MICU2: variants seen among roughly 807,000 people sequenced by gnomAD.
The protein encoded by MICU2 is calcium uptake protein 2, mitochondrial.
Under a neutral mutation model 60.4 loss-of-function variants are expected in MICU2, and 64 were observed. That is an observed-to-expected ratio of 1.06 (90% CI 0.87 to 1.31). MICU2 has a LOEUF of 1.31. Among genes scored for constraint, MICU2 ranks in the 50% most tolerant of loss-of-function variants. The probability of loss-of-function intolerance (pLI) is 0.00; values close to 1 mark genes in which losing one functional copy is unlikely to be tolerated. For missense variants in MICU2, 569 were observed against 531.0 expected (o/e 1.07, Z -0.70); for synonymous variants, 201 against 175.0 (o/e 1.15, Z -1.17).
chr13:21,601,714 G>C lies in MICU2; in HGVS notation c.210+2225C>G, dbSNP rs941223697. Among the ~76,000 whole-genome samples, 6 of 152,286 alleles carry C rather than the reference G, an allele frequency of 3.9e-5. No homozygotes were observed. The South Asian group carries it at 1.2e-3, about 32-fold the overall frequency. On this transcript the variant is annotated intron_variant, in intron 1 of 11. Transcript: ENST00000382374. ...GGCGGGTGAGCGGTATTTAAGTCTT[G>C]TTCTAGGGATAGTGAGTGAATCACT...
chr13:21,536,986 CTA>C (rs1309907778), intron 4 of MICU2, among the ~76,000 whole-genome samples: 1 of 152,222 alleles, frequency 6.6e-6, no homozygotes, highest in African/African-American at 2.4e-5. Context: ...GACACCTACT[CTA>C]TGACCATGGT....
intron 2 of MICU2, among the ~76,000 whole-genome samples, chr13:21,542,444 G>T (rs751124982): frequency 6.6e-6 from 1 of 151,966 alleles, no homozygotes; most frequent in Non-Finnish European, 1.5e-5. Flanking sequence ...TGTAGGGTAG[G>T]GGGACACTCC....
chr13:21,538,024 T>C (rs565280819), intron 4 of MICU2, among the ~76,000 whole-genome samples: 6 of 152,146 alleles, frequency 3.9e-5, no homozygotes, highest in Admixed American at 3.9e-4. Flanking sequence ...CACCTCTCCT[T>C]CTCATCAACA....
intron 4 of MICU2, among the ~76,000 whole-genome samples, chr13:21,523,097 C>T (rs1694932834): frequency 6.6e-6 from 1 of 152,138 alleles, no homozygotes; most frequent in Non-Finnish European, 1.5e-5. Context: ...GCTGGAACAT[C>T]TTATCTTCTA....
chr13:21,500,918 G>A (rs531048256), intron 9 of MICU2, among the ~76,000 whole-genome samples: 15 of 151,960 alleles, frequency 9.9e-5, no homozygotes, highest in Admixed American at 7.2e-4. Context: ...TGCTTAGAAA[G>A]GTATATAACC....
chr13:21,599,178 T>C (rs1207006828), intron 1 of MICU2, among the ~76,000 whole-genome samples: 1 of 152,214 alleles, frequency 6.6e-6, no homozygotes, highest in Admixed American at 6.5e-5. Context: ...GCCAAAAAGG[T>C]TGGGGACCAC....
intron 9 of MICU2, among the ~76,000 whole-genome samples, chr13:21,501,531 G>A (rs141406296): frequency 6.6e-6 from 1 of 152,322 alleles, no homozygotes; most frequent in African/African-American, 2.4e-5. Flanking sequence ...CAAAGTGCCA[G>A]GATTACAGGC....
At chr13:21,521,397 T>C (rs1369117833) in intron 5 of MICU2, 70 bp from the exon 6 acceptor site, 1 of 1,261,944 alleles carries the variant, frequency 7.9e-7, no homozygotes, top group Admixed American at 2.2e-5. Flanking sequence ...AGATAGGTCT[T>C]CAAATTTGAC....
intron 11 of MICU2, 115 bp downstream of exon 11, chr13:21,495,046 A>G: frequency 1.5e-6 from 1 of 654,222 alleles, no homozygotes; most frequent in Non-Finnish European, 2.4e-6. Flanking sequence ...TACAGCTTAT[A>G]GTCTTTTTAT....
At chr13:21,526,810 G>GAAA (rs35261213) in intron 4 of MICU2, among the ~76,000 whole-genome samples, 1 of 149,888 alleles carries the variant, frequency 6.7e-6, no homozygotes. Flanking sequence ...GCAGCAATGG[G>GAAA]AAAAAAAAAA....
At chr13:21,531,288 A>C in intron 4 of MICU2, 6 of 1,569,238 alleles carry the variant, frequency 3.8e-6, no homozygotes, top group Non-Finnish European at 4.4e-6. Flanking sequence ...AAGCAAACAC[A>C]GCACAGAAAA....
In MICU2 at chr13:21,511,813, A is replaced by AT. The variant is rs71202420; in HGVS notation, c.664-1713dup. ...CAGTTTGTAACTTTCAGGAACTGGC[A>AT]TTTTTTTTTTTTTCCCAGCATAATT... is the stretch of plus-strand genomic sequence containing the variant. On this transcript the variant is annotated intron_variant, in intron 7 of 11. Coordinates refer to ENST00000382374, the MANE Select transcript of MICU2 (RefSeq NM_152726.3). 9.3e-3 allele frequency among the ~76,000 whole-genome samples: 1,356 copies of AT among 145,286 alleles called. 21 individuals are homozygous for AT. Among genetic ancestry groups the AT allele is most frequent in the African/African-American group, 0.028 (1,123 of 39,566 alleles).
intron 7 of MICU2, among the ~76,000 whole-genome samples, chr13:21,513,647 G>GGA (rs1886487327): frequency 6.9e-6 from 1 of 145,270 alleles, no homozygotes; most frequent in African/African-American, 2.5e-5. Flanking sequence ...GGCAGAGGCA[G>GGA]GAGAATCGCT....
chr13:21,521,913 G>A (rs1394336564), intron 5 of MICU2, among the ~76,000 whole-genome samples: 4 of 152,078 alleles, frequency 2.6e-5, no homozygotes, highest in East Asian at 1.9e-4. Context: ...AAGTAGTTGC[G>A]ACTACAGGTG....
chr13:21,603,151 G>A (rs925957443), intron 1 of MICU2, among the ~76,000 whole-genome samples: 2 of 151,748 alleles, frequency 1.3e-5, no homozygotes, highest in African/African-American at 4.8e-5. Context: ...GGGCGGGGCT[G>A]GGGTGGGGAG....
At chr13:21,561,259 T>C (rs1343237284) in intron 2 of MICU2, among the ~76,000 whole-genome samples, 1 of 152,200 alleles carries the variant, frequency 6.6e-6, no homozygotes, top group East Asian at 1.9e-4. Context: ...CTTCAGAATG[T>C]ATATTCTGCT....
At chr13:21,533,996 G>A (rs544828353) in intron 4 of MICU2, among the ~76,000 whole-genome samples, 225 of 151,286 alleles carry the variant, frequency 1.5e-3, no homozygotes, top group African/African-American at 5.2e-3. Flanking sequence ...GCTGAGGCAC[G>A]AAAATCACTT....
intron 9 of MICU2, among the ~76,000 whole-genome samples, chr13:21,498,874 C>T (rs947902305): frequency 6.6e-6 from 1 of 151,716 alleles, no homozygotes; most frequent in African/African-American, 2.4e-5. Context: ...CTGCTTCTAT[C>T]ATGACCTCGA....
chr13:21,559,752 T>G (rs940612977), intron 2 of MICU2, among the ~76,000 whole-genome samples: 4 of 152,136 alleles, frequency 2.6e-5, no homozygotes, highest in African/African-American at 9.7e-5. Context: ...CTTGAACTCC[T>G]GACCTCAGGT....
Sources: gnomAD v4.1 joint callset for allele counts (sites outside exome capture counted in the v4.1 genomes callset) on GRCh38, gnomAD v4.1.1 for gene constraint, MANE v1.5 for transcripts, NCBI Gene and HGNC (gene_info 2026-07-23, HGNC 2026-07-21) for gene names.